Variants in ANGPT2 observed in about 807,000 individuals in gnomAD.
The protein encoded by ANGPT2 is angiopoietin 2.
In ANGPT2, 28 loss-of-function variants were observed where a neutral mutation model predicts 62.9. The ratio of observed to expected loss-of-function variants is 0.44; its 90% CI spans 0.33 to 0.61. The LOEUF (loss-of-function observed/expected upper bound fraction) is 0.61. Ranked by LOEUF, ANGPT2 falls within the 20% of genes least tolerant of loss-of-function variation. The probability of loss-of-function intolerance (pLI) is 0.03; values close to 1 mark genes in which losing one functional copy is unlikely to be tolerated. For missense variants in ANGPT2, 727 were observed against 594.9 expected, an observed-to-expected ratio of 1.22 and a Z score of -2.31; for synonymous variants, 284 against 207.8, an observed-to-expected ratio of 1.37 and a Z score of -3.15.
intron 3 of ANGPT2, among the ~76,000 whole-genome samples, chr8:6,525,062 C>T (rs541732643): frequency 4.6e-5 from 7 of 152,190 alleles, no homozygotes; most frequent in Non-Finnish European, 1.0e-4. Context: ...CCTTTTAGTT[C>T]GAATGATCTG....
At chr8:6,522,260 C>T (rs985773473) in intron 3 of ANGPT2, among the ~76,000 whole-genome samples, 7 of 152,060 alleles carry the variant, frequency 4.6e-5, no homozygotes, top group Non-Finnish European at 8.8e-5. Context: ...GAGGCTGAGG[C>T]AGGAGAATGG....
At chr8:6,525,814 G>T (rs2515460) in intron 3 of ANGPT2, among the ~76,000 whole-genome samples, 12,681 of 152,050 alleles carry the variant, frequency 0.083, 698 homozygotes, top group African/African-American at 0.15. Context: ...GATTTCTACA[G>T]CTGATGAGAA....
intron 3 of ANGPT2, among the ~76,000 whole-genome samples, chr8:6,523,820 T>A (rs2129569936): frequency 6.6e-6 from 1 of 152,026 alleles, no homozygotes; most frequent in African/African-American, 2.4e-5. Flanking sequence ...AACTCCTGAC[T>A]TCCTGATTCG....
At chr8:6,549,655 G>C (rs1372362848) in intron 1 of ANGPT2, among the ~76,000 whole-genome samples, 2 of 149,022 alleles carry the variant, frequency 1.3e-5, no homozygotes, top group Non-Finnish European at 3.0e-5. Context: ...AGGGGCGTGA[G>C]GGAGCTGCCT....
chr8:6,542,865 GA>G lies in ANGPT2; in HGVS notation c.289-10379del, dbSNP rs369657907. 2.6e-3 allele frequency among the ~76,000 whole-genome samples: 400 copies of G among 152,250 alleles called. 1 individual carries two copies. Among genetic ancestry groups the G allele is most frequent in the African/African-American group, 9.2e-3 (382 of 41,556 alleles). On this transcript the variant is annotated intron_variant, in intron 1 of 8. Transcript: ENST00000629816. The stretch of plus-strand genomic sequence containing the variant: ...GACTATCCTAAATGGCTAGAAAAGG[GA>G]AAAGGCTAGCGAAACTTAGATGATT...
chr8:6,530,968 T>C lies in ANGPT2; in HGVS notation c.444+1364A>G, dbSNP rs749534017. Among the ~76,000 whole-genome samples, 9 of 151,974 alleles carry C rather than the reference T, an allele frequency of 5.9e-5. No homozygotes were observed. The South Asian group carries it at 1.7e-3, about 28-fold the overall frequency. ...GCTGAAGTAGCATTTAGGAATAATA[T>C]GGAGTGGGGATTGTTTCACTTAAAT... On this transcript the variant is annotated intron_variant, in intron 2 of 8. Transcript: ENST00000629816.
At chr8:6,540,351 C>A (rs1028826784) in intron 1 of ANGPT2, among the ~76,000 whole-genome samples, 2 of 152,166 alleles carry the variant, frequency 1.3e-5, no homozygotes, top group Non-Finnish European at 2.9e-5. Flanking sequence ...TCATCAATAG[C>A]AGGCATTTTA....
At chr8:6,550,820 A>T (rs962417766) in intron 1 of ANGPT2, among the ~76,000 whole-genome samples, 1 of 152,170 alleles carries the variant, frequency 6.6e-6, no homozygotes, top group African/African-American at 2.4e-5. Context: ...GAGTGAGACG[A>T]TGTAAGCACA....
At position 6,532,485 on chromosome 8, in the gene ANGPT2, A is replaced by G. The variant is rs1819705015; in HGVS notation, c.291T>C (p.Leu97=). 2 of 1,610,634 alleles carry G rather than the reference A, an allele frequency of 1.2e-6. No homozygotes were observed. The highest frequency in any genetic ancestry group is 2.2e-5 in the East Asian group (1 of 44,756). ...TCATGTTGTCCTGGATATAATTCTC[A>G]AGCTAGAAAAGAACAGTGTTAGAAG... ...MENNTQWLMK[L]ENYIQDNMKK... The change falls in exon 2 of 9, where the codon CTT becomes CTC. Residue 97 remains leucine (L), a splice_region_variant and synonymous_variant. Coordinates refer to ENST00000629816, the MANE Select transcript of ANGPT2 (RefSeq NM_001118887.2).
At chr8:6,531,711 C>G (rs1467296947) in intron 2 of ANGPT2, among the ~76,000 whole-genome samples, 1 of 152,128 alleles carries the variant, frequency 6.6e-6, no homozygotes, top group African/African-American at 2.4e-5. Flanking sequence ...TATTTGAGGC[C>G]CAGAAAAGGT....
intron 1 of ANGPT2, among the ~76,000 whole-genome samples, chr8:6,534,876 A>C (rs1820214921): frequency 6.6e-6 from 1 of 152,188 alleles, no homozygotes; most frequent in African/African-American, 2.4e-5. Flanking sequence ...AGAAGCCATA[A>C]ATAGCAGTTC....
chr8:6,558,988 C>T (rs186111038), intron 1 of ANGPT2, among the ~76,000 whole-genome samples: 8 of 152,196 alleles, frequency 5.3e-5, no homozygotes, highest in Non-Finnish European at 1.0e-4. Flanking sequence ...ACTGTCTCTT[C>T]TACATTCCTT....
In ANGPT2 at chr8:6,562,881, G is replaced by C. The variant is rs377482325; in HGVS notation, c.54C>G (p.Ala18=). Residue 18 remains alanine (A), a synonymous_variant, in exon 1 of 9, where the codon GCC becomes GCG. Transcript: ENST00000629816. The stretch of plus-strand genomic sequence containing the variant: ...CCATGCTCTTCCGAAAGTTGTTATA[G>C]GCTGCGGCCAAGACAAGATCACAGC... The part of the protein sequence containing the change: ...TLSCDLVLAA[A]YNNFRKSMDS... 17 of 1,610,380 alleles carry C rather than the reference G, an allele frequency of 1.1e-5. No individual in the cohort carries two copies. In the African/African-American group the frequency reaches 1.7e-4, roughly 16 times the overall value.
At chr8:6,557,204 G>A (rs976144163) in intron 1 of ANGPT2, among the ~76,000 whole-genome samples, 2 of 152,202 alleles carry the variant, frequency 1.3e-5, no homozygotes, top group African/African-American at 2.4e-5. Context: ...GTGCTTTCCC[G>A]TGTTTGCTTT....
At chr8:6,506,050 A>G (rs1259106267) in intron 8 of ANGPT2, among the ~76,000 whole-genome samples, 1 of 148,474 alleles carries the variant, frequency 6.7e-6, no homozygotes, top group East Asian at 2.0e-4. Context: ...CTTTATATAT[A>G]TATATGTTGT....
intron 5 of ANGPT2, among the ~76,000 whole-genome samples, chr8:6,516,660 G>C (rs943409789): frequency 5.3e-5 from 8 of 152,082 alleles, no homozygotes; most frequent in African/African-American, 1.9e-4. Context: ...AGCTACTTTG[G>C]TTTGAGGATT....
At chr8:6,524,182 AG>A (rs1817912582) in intron 3 of ANGPT2, among the ~76,000 whole-genome samples, 1 of 152,226 alleles carries the variant, frequency 6.6e-6, no homozygotes, top group South Asian at 2.1e-4. Context: ...TTTTAAAGGA[AG>A]GGGACCTCAT....
At position 6,562,957 on chromosome 8, in the gene ANGPT2, C is replaced by A. The variant is rs1214182080; in HGVS notation, c.-23G>T. On this transcript the variant is annotated 5_prime_UTR_variant, in exon 1 of 9. Coordinates refer to ENST00000629816, the MANE Select transcript of ANGPT2 (RefSeq NM_001118887.2). ...CATTCTTTCTTCAGTAATAAACCAG[C>A]AGCTTAGCAAACTTGAGGGCAAACA... The A allele has an allele frequency of 1.3e-6, 2 of 1,558,902 alleles. No homozygotes were observed. The highest frequency in any genetic ancestry group is 8.7e-7 in the Non-Finnish European group (1 of 1,143,900).
intron 1 of ANGPT2, among the ~76,000 whole-genome samples, chr8:6,537,311 C>G (rs1358840824): frequency 1.3e-5 from 2 of 152,068 alleles, no homozygotes; most frequent in African/African-American, 2.4e-5. Context: ...ATTTTGTCCT[C>G]TTCTTGATGG....
Sources: allele counts gnomAD v4.1 joint callset (sites outside exome capture counted in the v4.1 genomes callset), GRCh38; gene constraint gnomAD v4.1.1; transcripts MANE v1.5; gene names NCBI Gene and HGNC (gene_info 2026-07-23, HGNC 2026-07-21).